The following PGS1 variants were observed in gnomAD, a reference collection of about 807,000 sequenced individuals.
PGS1 encodes CDP-diacylglycerol--glycerol-3-phosphate 3-phosphatidyltransferase, mitochondrial.
Under a neutral mutation model 58.3 loss-of-function variants are expected in PGS1, and 44 were observed. The ratio of observed to expected loss-of-function variants is 0.75; its 90% CI spans 0.59 to 0.97. The LOEUF (loss-of-function observed/expected upper bound fraction) is 0.97, where lower values mean the gene tolerates loss of function less well. Among genes scored for constraint, PGS1 ranks in the 50% least tolerant of loss-of-function variants. The pLI is 0.00. For synonymous variants in PGS1, 330 were observed against 311.0 expected (o/e 1.06, Z -0.64); for missense variants, 684 against 731.1 (o/e 0.94, Z 0.74).
At chr17:78,394,738 A>G (rs1598287035) in intron 2 of PGS1, among the ~76,000 whole-genome samples, 2 of 152,076 alleles carry the variant, frequency 1.3e-5, no homozygotes, top group Admixed American at 1.3e-4. Context: ...TATTTTTAGT[A>G]GAGACAGGGT....
rs1370707117 is a variant in PGS1 at position 78,378,681 on chromosome 17, G to A, written c.16G>A (p.Ala6Thr). The A allele has an allele frequency of 6.5e-7, 1 of 1,533,342 alleles. No homozygotes were observed. Among genetic ancestry groups the A allele is most frequent in the Non-Finnish European group, 8.7e-7 (1 of 1,147,582 alleles). 95.0% of individuals were successfully genotyped at this position (1,533,342 alleles called of 1,614,324 possible). Residue 6 changes from alanine (A) to threonine (T), a missense_variant, in exon 1 of 10, where the codon GCA becomes ACA. Physicochemically the swap from Ala to Thr is moderately conservative, Grantham distance 58. Transcript: ENST00000262764. ...GCGAGTCTCCATGGCGGTGGCGGCG[G>A]CAGCTGCGGCGGGACCCGTGTTCTG... MAVAA[A>T]AAAGPVFWRR...
chr17:78,380,955 C>T (rs2081994029), intron 1 of PGS1: 1 of 151,954 alleles, frequency 6.6e-6, no homozygotes, highest in Non-Finnish European at 1.5e-5. Flanking sequence ...AAGTGATTCT[C>T]CTGCCTCAGC....
Position 78,399,499 on chromosome 17 carries a change from T to A in PGS1, c.663T>A (p.Ile221=), listed in dbSNP as rs1285718837. The change falls in exon 5 of 10, where the codon ATT becomes ATA. Residue 221 remains isoleucine, a synonymous_variant. Coordinates refer to ENST00000262764, the MANE Select transcript of PGS1 (RefSeq NM_024419.5). ...RFNETIGLQH[I]KVYLFDNSVI... is the part of the protein sequence containing the mutation. ...ACGAGACCATCGGCCTCCAGCACAT[T>A]AAGGTGTACCTCTTCGACAACAGCG... The A allele has an allele frequency of 6.2e-7, 1 of 1,614,168 alleles. No homozygotes were observed. The highest frequency in any genetic ancestry group is 1.7e-5 in the Admixed American group (1 of 60,030).
intron 2 of PGS1, 23 bp downstream of exon 2, chr17:78,392,688 A>G: frequency 6.2e-7 from 1 of 1,605,210 alleles, no homozygotes; most frequent in African/African-American, 1.3e-5. Flanking sequence ...TAAAGGAAAG[A>G]AGTTTGAGTT....
chr17:78,420,473 C>G (rs1322700220), intron 9 of PGS1: 1 of 152,942 alleles, frequency 6.5e-6, no homozygotes, highest in Non-Finnish European at 1.5e-5. Context: ...GGCCCCTGCT[C>G]TCTGGTTCTG....
At chr17:78,378,897 C>G (rs62079155) in intron 1 of PGS1, 89 bp downstream of exon 1, 153,757 of 1,285,960 alleles carry the variant, frequency 0.12, 9,980 homozygotes, top group African/African-American at 0.25. Context: ...GCGTCCTGGG[C>G]ATCCGCAGCG....
chr17:78,396,871 G>T (rs1342042375), intron 3 of PGS1, among the ~76,000 whole-genome samples: 1 of 152,192 alleles, frequency 6.6e-6, no homozygotes, highest in Non-Finnish European at 1.5e-5. Context: ...TATTGTCTGT[G>T]GTCACTTTCA....
intron 1 of PGS1, among the ~76,000 whole-genome samples, chr17:78,388,041 C>T (rs1257060940): frequency 6.6e-6 from 1 of 152,210 alleles, no homozygotes. Flanking sequence ...AAGGTTGAGT[C>T]TCCTCCATAA....
At chr17:78,384,271 C>T (rs566420200) in intron 1 of PGS1, among the ~76,000 whole-genome samples, 1 of 152,134 alleles carries the variant, frequency 6.6e-6, no homozygotes, top group South Asian at 2.1e-4. Context: ...TACGGGAATC[C>T]ACACTCATTT....
chr17:78,397,596 C>CCCCA (rs1555631824), intron 3 of PGS1, among the ~76,000 whole-genome samples: 19 of 152,056 alleles, frequency 1.2e-4, no homozygotes, highest in African/African-American at 4.1e-4. Context: ...GCCACCCCCC[C>CCCCA]AGCTAATTTT....
intron 3 of PGS1, among the ~76,000 whole-genome samples, chr17:78,397,441 C>CTT (rs111557410): frequency 4.0e-5 from 4 of 100,468 alleles, no homozygotes; most frequent in African/African-American, 1.3e-4. Flanking sequence ...AGGCCTCCCT[C>CTT]TTTTTTTTTT....
rs920585113 is a variant in PGS1, at chr17:78,414,967, C to A, written c.1491C>A (p.Asp497Glu). The A allele has an allele frequency of 6.2e-7, 1 of 1,613,788 alleles. No homozygotes were observed. Among genetic ancestry groups the A allele is most frequent in the Non-Finnish European group, 8.5e-7 (1 of 1,180,026 alleles). Residue 497 changes from aspartate to glutamate, a missense_variant, in exon 8 of 10, where the codon GAC becomes GAA. Coordinates refer to ENST00000262764, the MANE Select transcript of PGS1 (RefSeq NM_024419.5). ...TTGGGTACAGGTCAGTTCACCGGGA[C>A]CTGGAGGCCCAGATTGCGATCGTGA... is the stretch of plus-strand genomic sequence containing the variant. Reference protein sequence around the residue: ...PNFGYRSVHRDLEAQIAIVTE... With the variant: ...PNFGYRSVHRELEAQIAIVTE...
intron 4 of PGS1, 46 bp from the exon 5 acceptor site, chr17:78,399,302 G>A (rs370820974): frequency 6.5e-5 from 97 of 1,498,270 alleles, no homozygotes; most frequent in Middle Eastern, 1.9e-4. Context: ...GGGGCAGGAC[G>A]CCTTCCTGTT....
At chr17:78,390,545 A>G (rs927358657) in intron 1 of PGS1, among the ~76,000 whole-genome samples, 1 of 152,240 alleles carries the variant, frequency 6.6e-6, no homozygotes, top group Non-Finnish European at 1.5e-5. Context: ...GGGCTTTATC[A>G]TGAAGCAAGT....
chr17:78,389,053 C>CTT (rs5822252), intron 1 of PGS1, among the ~76,000 whole-genome samples: 3,736 of 95,710 alleles, frequency 0.039, 136 homozygotes, highest in East Asian at 0.061. Flanking sequence ...CCTCTTCTTC[C>CTT]TTTTTTTTTT....
At chr17:78,417,609 C>G (rs1568005027) in intron 8 of PGS1, among the ~76,000 whole-genome samples, 1 of 152,104 alleles carries the variant, frequency 6.6e-6, no homozygotes, top group Non-Finnish European at 1.5e-5. Flanking sequence ...CTGTGTCCTC[C>G]CTCCCGGCCT....
chr17:78,385,934 G>A (rs946252780), intron 1 of PGS1, among the ~76,000 whole-genome samples: 24 of 152,178 alleles, frequency 1.6e-4, no homozygotes, highest in Admixed American at 1.0e-3. Flanking sequence ...GTCCTGGCTC[G>A]CCGCTTGGTC....
At chr17:78,419,949 C>G (rs1464127511) in intron 9 of PGS1, 1 of 1,203,100 alleles carries the variant, frequency 8.3e-7, no homozygotes, top group Non-Finnish European at 1.0e-6. Flanking sequence ...TAGTCCCCTT[C>G]TGCTCTCCCT....
chr17:78,415,131 C>G, intron 8 of PGS1, 104 bp downstream of exon 8: 59 of 1,294,890 alleles, frequency 4.6e-5, no homozygotes, highest in Non-Finnish European at 6.4e-5. Flanking sequence ...CCTGAGGCAA[C>G]GAGTGAGACT....
Sources: allele counts gnomAD v4.1 joint callset (sites outside exome capture counted in the v4.1 genomes callset), GRCh38; gene constraint gnomAD v4.1.1; transcripts MANE v1.5; gene names NCBI Gene and HGNC (gene_info 2026-07-23, HGNC 2026-07-21).